The following CLSTN2 variants were observed in gnomAD, a reference collection of about 807,000 sequenced individuals.
The protein encoded by CLSTN2 is calsyntenin 2.
CLSTN2 carries 48 observed loss-of-function variants against 101.2 expected under a neutral mutation model. That is an observed-to-expected ratio of 0.47 (90% CI 0.38 to 0.60). The LOEUF is 0.60. Among genes scored for constraint, CLSTN2 ranks in the 20% least tolerant of loss-of-function variants. The pLI is 0.00. For missense variants in CLSTN2, 1,160 were observed against 1,238.2 expected (o/e 0.94, Z 0.95); for synonymous variants, 481 against 463.6 (o/e 1.04, Z -0.48).
intron 2 of CLSTN2, among the ~76,000 whole-genome samples, chr3:140,244,862 T>TTA (rs2086501406): frequency 1.3e-5 from 2 of 152,224 alleles, no homozygotes; most frequent in Non-Finnish European, 2.9e-5. Context: ...TAATTTTACC[T>TTA]TATATATATT....
At chr3:140,477,626 G>C (rs1158281532) in intron 8 of CLSTN2, among the ~76,000 whole-genome samples, 3 of 152,128 alleles carry the variant, frequency 2.0e-5, no homozygotes, top group Admixed American at 2.0e-4. Flanking sequence ...CTGAAATTGA[G>C]GCTCTGAAAA....
intron 1 of CLSTN2, among the ~76,000 whole-genome samples, chr3:139,966,723 T>A (rs1485205652): frequency 6.6e-6 from 1 of 152,206 alleles, no homozygotes; most frequent in Non-Finnish European, 1.5e-5. Context: ...AAGTAAACTG[T>A]TGCAATCCTC....
At chr3:140,130,410 T>C (rs2009504916) in intron 1 of CLSTN2, among the ~76,000 whole-genome samples, 1 of 152,188 alleles carries the variant, frequency 6.6e-6, no homozygotes, top group South Asian at 2.1e-4. Context: ...AGGTACTAAA[T>C]GCACATTCCG....
At chr3:140,175,918 G>T in intron 1 of CLSTN2, 33 bp from the exon 2 acceptor site, 2 of 1,595,342 alleles carry the variant, frequency 1.3e-6, no homozygotes, top group South Asian at 2.2e-5. Context: ...TTTAAATAAT[G>T]ATCCTTTTTG....
intron 2 of CLSTN2, among the ~76,000 whole-genome samples, chr3:140,388,010 A>G (rs1027788555): frequency 5.3e-5 from 8 of 152,110 alleles, no homozygotes; most frequent in Non-Finnish European, 8.8e-5. Context: ...GGTGGTGTCT[A>G]CTCTTTCATA....
chr3:140,385,672 C>T (rs980671294), intron 2 of CLSTN2, among the ~76,000 whole-genome samples: 2 of 152,074 alleles, frequency 1.3e-5, no homozygotes, highest in East Asian at 1.9e-4. Context: ...CCACCGCGCC[C>T]GGCCCCTGAT....
At chr3:140,265,114 A>G (rs914585982) in intron 2 of CLSTN2, among the ~76,000 whole-genome samples, 3 of 152,202 alleles carry the variant, frequency 2.0e-5, no homozygotes, top group Non-Finnish European at 4.4e-5. Flanking sequence ...AGAGGAAGTC[A>G]CTGAGGTCAG....
chr3:140,147,849 G>A (rs2009803361), intron 1 of CLSTN2, among the ~76,000 whole-genome samples: 1 of 152,152 alleles, frequency 6.6e-6, no homozygotes, highest in African/African-American at 2.4e-5. Flanking sequence ...CATTTAATCT[G>A]CATTGTGGCC....
intron 1 of CLSTN2, among the ~76,000 whole-genome samples, chr3:140,090,429 A>G (rs1371258311): frequency 6.6e-6 from 1 of 152,120 alleles, no homozygotes; most frequent in African/African-American, 2.4e-5. Flanking sequence ...ATGAGCCACC[A>G]TGCCTGGCCT....
chr3:140,532,556 A>AC, intron 9 of CLSTN2, 70 bp downstream of exon 9: 1 of 1,351,470 alleles, frequency 7.4e-7, no homozygotes, highest in South Asian at 1.8e-5. Context: ...TGTAGAGAAA[A>AC]AGGAAAAGCA....
intron 1 of CLSTN2, among the ~76,000 whole-genome samples, chr3:140,086,465 T>C (rs532790653): frequency 3.9e-5 from 6 of 152,346 alleles, no homozygotes; most frequent in Admixed American, 1.3e-4. Context: ...GTAGGGCTTT[T>C]GTATGGATTG....
intron 2 of CLSTN2, among the ~76,000 whole-genome samples, chr3:140,245,592 G>A (rs2086509110): frequency 6.6e-6 from 1 of 152,198 alleles, no homozygotes. Flanking sequence ...GGGGCAGGGT[G>A]CAGTATGGTC....
At chr3:140,152,149 T>C (rs576215820) in intron 1 of CLSTN2, among the ~76,000 whole-genome samples, 4 of 152,340 alleles carry the variant, frequency 2.6e-5, no homozygotes, top group African/African-American at 7.2e-5. Flanking sequence ...TTAATGTATT[T>C]TATTAATTCA....
At chr3:140,194,961 T>C (rs1326493228) in intron 2 of CLSTN2, among the ~76,000 whole-genome samples, 1 of 152,184 alleles carries the variant, frequency 6.6e-6, no homozygotes, top group Non-Finnish European at 1.5e-5. Flanking sequence ...CCTCATGTAG[T>C]CTATAGGAGG....
At chr3:140,274,383 A>C (rs2086774400) in intron 2 of CLSTN2, among the ~76,000 whole-genome samples, 1 of 152,094 alleles carries the variant, frequency 6.6e-6, no homozygotes, top group African/African-American at 2.4e-5. Flanking sequence ...AATCTGATGG[A>C]AGCCACCCCA....
At chr3:140,565,147 G>A (rs966747851) in intron 16 of CLSTN2, among the ~76,000 whole-genome samples, 3 of 152,210 alleles carry the variant, frequency 2.0e-5, no homozygotes, top group Non-Finnish European at 2.9e-5. Context: ...TGAGGACAAG[G>A]CAAGAGTGTG....
At chr3:140,242,112 A>G (rs1217118574) in intron 2 of CLSTN2, among the ~76,000 whole-genome samples, 2 of 152,144 alleles carry the variant, frequency 1.3e-5, no homozygotes, top group East Asian at 3.9e-4. Flanking sequence ...GGGTTTCACC[A>G]TGCTGGCCAG....
intron 1 of CLSTN2, among the ~76,000 whole-genome samples, chr3:140,097,682 G>A (rs145553263): frequency 6.4e-4 from 97 of 152,286 alleles, no homozygotes; most frequent in African/African-American, 2.2e-3. Flanking sequence ...CTCTCAACTA[G>A]CGTCAATTGC....
chr3:140,202,847 T>A (rs754596522), intron 2 of CLSTN2, among the ~76,000 whole-genome samples: 2 of 152,166 alleles, frequency 1.3e-5, no homozygotes, highest in Admixed American at 6.5e-5. Context: ...GTCCTTTTTT[T>A]CCTGAGCACA....
Sources: gnomAD v4.1 joint callset for allele counts (sites outside exome capture counted in the v4.1 genomes callset) on GRCh38, gnomAD v4.1.1 for gene constraint, MANE v1.5 for transcripts, NCBI Gene and HGNC (gene_info 2026-07-23, HGNC 2026-07-21) for gene names.